ZNF365: variants seen among roughly 807,000 people sequenced by gnomAD.
ZNF365 encodes the protein protein ZNF365.
A neutral mutation model predicts 35.0 loss-of-function variants in ZNF365; 22 were observed. The observed-to-expected ratio is 0.63, with a 90% CI of 0.45 to 0.90. The LOEUF is 0.90. ZNF365 is among the 40% of genes least tolerant of loss of function. The probability of loss-of-function intolerance (pLI) is 0.00; values close to 1 mark genes in which losing one functional copy is unlikely to be tolerated. For missense variants in ZNF365, 448 were observed against 500.3 expected, an observed-to-expected ratio of 0.90 and a Z score of 1.00; for synonymous variants, 188 against 196.2, an observed-to-expected ratio of 0.96 and a Z score of 0.35.
chr10:62,404,321 T>C (rs1216087946), downstream of ZNF365, among the ~76,000 whole-genome samples: 1 of 152,194 alleles, frequency 6.6e-6, no homozygotes, highest in Admixed American at 6.5e-5. Context: ...TGTTATCACA[T>C]AGAAAAATAC....
At chr10:62,476,744 T>C (rs1271242840) in intron 4 of ZNF365, among the ~76,000 whole-genome samples, 6 of 152,260 alleles carry the variant, frequency 3.9e-5, no homozygotes, top group Non-Finnish European at 8.8e-5. Context: ...TTGATCTGAA[T>C]TGTTTTTATA....
In ZNF365 at chr10:62,415,132, T is replaced by C. The variant is rs116990740; in HGVS notation, c.924+26556T>C. Among the ~76,000 whole-genome samples the C allele has an allele frequency of 3.3e-5, 5 of 152,304 alleles. No homozygotes were observed. In the East Asian group the frequency reaches 7.7e-4, roughly 23 times the overall value. On this transcript the variant is annotated intron_variant, in intron 3 of 4. Transcript: ENST00000395255. ...CAGTAAAAGTCTTTGCTAATTCCAA[T>C]ATCTAGGTTACCCGTGGCTCTATTT...
At chr10:62,465,901 T>A (rs558791245) in intron 4 of ZNF365, among the ~76,000 whole-genome samples, 146 of 152,172 alleles carry the variant, frequency 9.6e-4, no homozygotes, top group Middle Eastern at 6.8e-3. Flanking sequence ...GACCCCAGGG[T>A]TCCCTGAGCC....
At chr10:62,413,684 C>A (rs1014781777) in intron 3 of ZNF365, among the ~76,000 whole-genome samples, 2 of 152,128 alleles carry the variant, frequency 1.3e-5, no homozygotes, top group Admixed American at 6.5e-5. Flanking sequence ...ATGAGGAATA[C>A]CAGGTCCCAC....
intron 3 of ZNF365, among the ~76,000 whole-genome samples, chr10:62,396,281 G>A (rs1308541038): frequency 1.3e-5 from 2 of 152,210 alleles, no homozygotes. Flanking sequence ...ACAGTACAGA[G>A]TGAAGCCTTG....
At position 62,388,469 on chromosome 10, in the gene ZNF365, G is replaced by A. The variant is rs767551232; in HGVS notation, c.817G>A (p.Asp273Asn). 2.5e-6 allele frequency: 4 copies of A among 1,614,230 alleles called. No individual in the cohort carries two copies. The highest frequency in any genetic ancestry group is 3.4e-6 in the Non-Finnish European group (4 of 1,180,048). Residue 273 changes from aspartate to asparagine, a missense_variant, in exon 3 of 5, where the codon GAC becomes AAC. Asp to Asn is a conservative substitution (Grantham distance 23). Transcript: ENST00000395254. ...GGTTCAAGGGAAAGCCCGGCTCCAGGACTTTATTGAGAATCTGTTACAGCG... is the reference window on the plus strand; with the variant it reads ...GGTTCAAGGGAAAGCCCGGCTCCAGAACTTTATTGAGAATCTGTTACAGCG... ...KEVQGKARLQDFIENLLQRVE... is the reference protein window; with the variant it reads ...KEVQGKARLQNFIENLLQRVE...
At chr10:62,455,171 G>T (rs1206379352) in intron 3 of ZNF365, among the ~76,000 whole-genome samples, 1 of 152,168 alleles carries the variant, frequency 6.6e-6, no homozygotes, top group Non-Finnish European at 1.5e-5. Flanking sequence ...TGTTATAAAT[G>T]TTGTGCTGTG....
intron 3 of ZNF365, among the ~76,000 whole-genome samples, chr10:62,438,152 T>C (rs986583245): frequency 1.3e-5 from 2 of 152,108 alleles, no homozygotes; most frequent in Non-Finnish European, 2.9e-5. Context: ...AACAGGAATA[T>C]TATATCTGTT....
chr10:62,409,882 G>T (rs890892403), intron 3 of ZNF365, among the ~76,000 whole-genome samples: 5 of 152,080 alleles, frequency 3.3e-5, no homozygotes, highest in African/African-American at 1.2e-4. Flanking sequence ...ATATATATGG[G>T]GGTAGCTGGT....
chr10:62,453,651 A>G (rs1840719401), intron 3 of ZNF365, among the ~76,000 whole-genome samples: 2 of 152,210 alleles, frequency 1.3e-5, no homozygotes, highest in South Asian at 4.1e-4. Context: ...GTAGATACCC[A>G]GCAGTGGGAT....
Position 62,380,473 on chromosome 10 carries a change from T to TATTAGGCAA in ZNF365, c.743+3537_743+3538insATTAGGCAA, listed in dbSNP as rs1180742039. On this transcript the variant is annotated intron_variant, in intron 2 of 4. Coordinates refer to ENST00000395254, the MANE Select transcript of ZNF365 (RefSeq NM_014951.3). ...TTTATGTTATCAGTAAGGCTTCTGG[T>TATTAGGCAA]TAGCAGTAGGCTATTAGGAGTTAAG... is the stretch of plus-strand genomic sequence containing the variant. 2.0e-5 allele frequency among the ~76,000 whole-genome samples: 3 copies of TATTAGGCAA among 152,252 alleles called. No individual in the cohort carries two copies. The East Asian group carries it at 5.8e-4, about 29-fold the overall frequency.
Position 62,399,717 on chromosome 10 carries a change from G to T in ZNF365, c.1152G>T (p.Gly384=). Reference sequence around the variant, plus strand: ...CTCCAAAGAAAGGGGAGCTCCTGGGGTTTGGCCGCAAAGGCAACATCAGGC... The same window carrying T: ...CTCCAAAGAAAGGGGAGCTCCTGGGTTTTGGCCGCAAAGGCAACATCAGGC... ...CRPPKKGELL[G]FGRKGNIRPK... Residue 384 remains glycine (G), a synonymous_variant, in exon 5 of 5, where the codon GGG becomes GGT. Transcript: ENST00000395254. The T allele has an allele frequency of 3.1e-6, 5 of 1,614,122 alleles. No homozygotes were observed. Among genetic ancestry groups the T allele is most frequent in the South Asian group, 1.1e-5 (1 of 91,076 alleles).
chr10:62,397,404 G>C (rs747114076), intron 3 of ZNF365, among the ~76,000 whole-genome samples: 1 of 152,160 alleles, frequency 6.6e-6, no homozygotes, highest in East Asian at 1.9e-4. Flanking sequence ...GGCCACACTG[G>C]CCCAAATACC....
chr10:62,390,672 T>C (rs2132420264), intron 3 of ZNF365, among the ~76,000 whole-genome samples: 1 of 152,324 alleles, frequency 6.6e-6, no homozygotes, highest in Admixed American at 6.5e-5. Context: ...TTGGGCAATT[T>C]TGTCATTGTA....
At chr10:62,429,133 T>C (rs1840297420) in intron 3 of ZNF365, among the ~76,000 whole-genome samples, 1 of 152,090 alleles carries the variant, frequency 6.6e-6, no homozygotes, top group Non-Finnish European at 1.5e-5. Flanking sequence ...GGGTTTTAGT[T>C]CTCCATGGGA....
intron 4 of ZNF365, among the ~76,000 whole-genome samples, chr10:62,465,900 G>A (rs1878255): frequency 0.92 from 140,529 of 152,150 alleles, 65,198 homozygotes; most frequent in East Asian, 1. Context: ...AGACCCCAGG[G>A]TTCCCTGAGC....
chr10:62,385,549 T>C (rs188786773), intron 2 of ZNF365, among the ~76,000 whole-genome samples: 1 of 152,270 alleles, frequency 6.6e-6, no homozygotes, highest in Non-Finnish European at 1.5e-5. Flanking sequence ...TCGCATATGC[T>C]AGACTGTATA....
At chr10:62,408,377 T>A (rs1223615570) in intron 3 of ZNF365, among the ~76,000 whole-genome samples, 2 of 152,176 alleles carry the variant, frequency 1.3e-5, no homozygotes, top group East Asian at 3.8e-4. Context: ...GACTATAACC[T>A]GTTTGAAGAT....
downstream of ZNF365, among the ~76,000 whole-genome samples, chr10:62,406,145 C>G (rs145200513): frequency 6.6e-6 from 1 of 152,294 alleles, no homozygotes; most frequent in Non-Finnish European, 1.5e-5. Context: ...TCTCTCCACT[C>G]CAGCCAGCAC....
Sources: gnomAD v4.1 joint callset for allele counts (sites outside exome capture counted in the v4.1 genomes callset) on GRCh38, gnomAD v4.1.1 for gene constraint, MANE v1.5 for transcripts, NCBI Gene and HGNC (gene_info 2026-07-23, HGNC 2026-07-21) for gene names.